Variants in PDK1 observed in about 807,000 individuals in gnomAD.
PDK1 encodes the protein pyruvate dehydrogenase kinase 1, also known as [Pyruvate dehydrogenase (acetyl-transferring)] kinase isozyme 1, mitochondrial.
PDK1 carries 39 observed loss-of-function variants against 54.2 expected under a neutral mutation model. The ratio of observed to expected loss-of-function variants is 0.72; its 90% CI spans 0.56 to 0.94. PDK1 has a LOEUF of 0.94. PDK1 is among the 40% of genes least tolerant of loss of function. PDK1 has a pLI of 0.00. For synonymous variants in PDK1, 221 were observed against 207.1 expected (o/e 1.07, Z -0.58); for missense variants, 552 against 566.0 (o/e 0.98, Z 0.25).
rs1299408584 is a variant in PDK1 at position 172,607,340 on chromosome 2, C to T, written c.*11371C>T. The T allele has an allele frequency of 6.6e-6, 1 of 152,148 alleles. No individual in the cohort carries two copies. The highest frequency in any genetic ancestry group is 1.5e-5 in the Non-Finnish European group (1 of 68,016). The allele number at this position is 152,148 out of a possible 1,614,324, so 9.4% of individuals were successfully genotyped here. ...GCTTTGATTTTTTTTAATATAGAATCAAACAATTGTGAAAATATAATTGGC... is the reference window on the plus strand; with the variant it reads ...GCTTTGATTTTTTTTAATATAGAATTAAACAATTGTGAAAATATAATTGGC... On this transcript the variant is annotated 3_prime_UTR_variant, in exon 11 of 11. Transcript: ENST00000282077.
At chr2:172,712,416 C>G in the PDK1 span, among the ~76,000 whole-genome samples, 4 of 152,204 alleles carry the variant, frequency 2.6e-5, no homozygotes, top group Admixed American at 2.6e-4. Flanking sequence ...ACTTGGCTTT[C>G]GCTACTGGCT....
At chr2:172,676,153 C>A in the PDK1 span, among the ~76,000 whole-genome samples, 2 of 152,206 alleles carry the variant, frequency 1.3e-5, no homozygotes, top group African/African-American at 4.8e-5. Flanking sequence ...CACTCAAGGG[C>A]TCTAAGGGAG....
At chr2:172,614,887 A>C in the PDK1 span, among the ~76,000 whole-genome samples, 1 of 152,238 alleles carries the variant, frequency 6.6e-6, no homozygotes, top group South Asian at 2.1e-4. Flanking sequence ...TTAAGTTAAC[A>C]GATAACATTT....
the PDK1 span, among the ~76,000 whole-genome samples, chr2:172,680,568 A>C: frequency 3.3e-5 from 5 of 151,984 alleles, no homozygotes; most frequent in African/African-American, 1.2e-4. Context: ...GGGTCTAGCT[A>C]TGTTGACCAG....
At chr2:172,624,657 T>C in the PDK1 span, among the ~76,000 whole-genome samples, 1 of 152,084 alleles carries the variant, frequency 6.6e-6, no homozygotes, top group Non-Finnish European at 1.5e-5. Flanking sequence ...AGGAGAGAGC[T>C]TCCCTGGGGG....
chr2:172,609,590 A>C (rs1691399687), downstream of PDK1, among the ~76,000 whole-genome samples: 1 of 152,220 alleles, frequency 6.6e-6, no homozygotes, highest in Non-Finnish European at 1.5e-5. Context: ...CAAACAACCC[A>C]AAGAAGTGGA....
chr2:172,587,849 C>T (rs968472471), intron 9 of PDK1, among the ~76,000 whole-genome samples: 10 of 152,080 alleles, frequency 6.6e-5, no homozygotes, highest in Non-Finnish European at 4.4e-5. Context: ...ATTTACAATC[C>T]TTTAGCTAGA....
At position 172,588,870 on chromosome 2, in the gene PDK1, CT is replaced by C. The variant is rs562696239; in HGVS notation, c.1056+2484del. Among the ~76,000 whole-genome samples the C allele has an allele frequency of 6.6e-3, 1,009 of 152,354 alleles. 7 individuals carry two copies. Among genetic ancestry groups the C allele is most frequent in the Non-Finnish European group, 0.012 (789 of 68,028 alleles). Reference sequence around the variant, plus strand: ...CTCTGTTCCAGACCTCCTTCTCATCCTTCACTCAGTTTTGTTCTTTCCAAGT... The same window carrying C: ...CTCTGTTCCAGACCTCCTTCTCATCCTCACTCAGTTTTGTTCTTTCCAAGT... On this transcript the variant is annotated intron_variant, in intron 9 of 10. Transcript: ENST00000282077.
At chr2:172,692,476 C>T in the PDK1 span, among the ~76,000 whole-genome samples, 8,115 of 152,260 alleles carry the variant, frequency 0.053, 413 homozygotes, top group East Asian at 0.22. Flanking sequence ...TAGCCTGTTA[C>T]TGAACCAAAC....
the PDK1 span, among the ~76,000 whole-genome samples, chr2:172,635,323 G>A: frequency 2.0e-5 from 3 of 151,884 alleles, no homozygotes; most frequent in Non-Finnish European, 4.4e-5. Flanking sequence ...TTTTTTGCGG[G>A]GCGGAGGGAT....
At chr2:172,562,707 T>C in intron 3 of PDK1, 1 of 1,158,110 alleles carries the variant, frequency 8.6e-7, no homozygotes, top group Middle Eastern at 2.3e-4. Context: ...TTTTGAAAGA[T>C]TGGTAACTAA....
At chr2:172,651,815 G>C in the PDK1 span, among the ~76,000 whole-genome samples, 1 of 152,124 alleles carries the variant, frequency 6.6e-6, no homozygotes, top group Admixed American at 6.6e-5. Flanking sequence ...CTGAAATTGA[G>C]GCAATAATTA....
intron 9 of PDK1, among the ~76,000 whole-genome samples, chr2:172,591,758 A>T (rs1241645720): frequency 5.3e-5 from 8 of 152,236 alleles, no homozygotes; most frequent in African/African-American, 1.9e-4. Context: ...ACTTTTGTTG[A>T]AAACCTTGTA....
At chr2:172,614,627 C>T in the PDK1 span, among the ~76,000 whole-genome samples, 1 of 152,190 alleles carries the variant, frequency 6.6e-6, no homozygotes, top group Admixed American at 6.5e-5. Context: ...GGCCTTCTCT[C>T]AGCTGAGAGC....
chr2:172,662,401 T>G, the PDK1 span, among the ~76,000 whole-genome samples: 30 of 152,096 alleles, frequency 2.0e-4, no homozygotes, highest in Non-Finnish European at 3.8e-4. Context: ...GCTCCTGTAA[T>G]TTCTCCACCA....
At chr2:172,578,720 T>TTTG (rs1467947916) in intron 8 of PDK1, among the ~76,000 whole-genome samples, 2 of 151,756 alleles carry the variant, frequency 1.3e-5, no homozygotes, top group East Asian at 3.9e-4. Flanking sequence ...CAAGGCTGTC[T>TTTG]TTGTTGTTGT....
chr2:172,659,747 G>A, the PDK1 span, among the ~76,000 whole-genome samples: 11 of 152,256 alleles, frequency 7.2e-5, no homozygotes, highest in Admixed American at 1.3e-4. Flanking sequence ...GGCAATGTAG[G>A]GTACTTTAAC....
chr2:172,608,906 C>T (rs978082586), downstream of PDK1, among the ~76,000 whole-genome samples: 4 of 152,148 alleles, frequency 2.6e-5, no homozygotes, highest in Admixed American at 6.5e-5. Flanking sequence ...AACAGCCACT[C>T]AGGACGTTGG....
Position 172,556,169 on chromosome 2 carries a change from C to A in PDK1, c.19C>A (p.Leu7Ile). 7.1e-7 allele frequency: 1 copy of A among 1,416,292 alleles called. No homozygotes were observed. The highest frequency in any genetic ancestry group is 9.2e-7 in the Non-Finnish European group (1 of 1,092,336). 87.7% of individuals were successfully genotyped at this position (1,416,292 alleles called of 1,614,324 possible). ...ACTCGGCATGAGGCTGGCGCGGCTG[C>A]TTCGCGGAGCCGCCTTGGCCGGCCC... MRLARL[L>I]RGAALAGPGP... The change falls in exon 1 of 11, where the codon CTT (leucine) becomes ATT (isoleucine). Residue 7 changes from leucine (L) to isoleucine (I), a missense_variant. Leu to Ile is a conservative substitution (Grantham distance 5, BLOSUM62 2). Coordinates refer to ENST00000282077, the MANE Select transcript of PDK1 (RefSeq NM_002610.5).
Sources: allele counts gnomAD v4.1 joint callset (sites outside exome capture counted in the v4.1 genomes callset), GRCh38; gene constraint gnomAD v4.1.1; transcripts MANE v1.5; gene names NCBI Gene and HGNC (gene_info 2026-07-23, HGNC 2026-07-21).